TAS1R1: variants seen among roughly 807,000 people sequenced by gnomAD.
The protein encoded by TAS1R1 is taste receptor type 1 member 1.
A neutral mutation model predicts 45.8 loss-of-function variants in TAS1R1; 31 were observed. The observed-to-expected ratio is 0.68, with a 90% CI of 0.51 to 0.91. The LOEUF is 0.91. TAS1R1 is among the 40% of genes least tolerant of loss of function. TAS1R1 has a pLI of 0.00. For missense variants in TAS1R1, 1,051 were observed against 1,063.9 expected (o/e 0.99, Z 0.17); for synonymous variants, 437 against 448.4 (o/e 0.97, Z 0.32).
rs772950660 is a variant in TAS1R1 at position 6,574,600 on chromosome 1, G to A, written c.499-31G>A. 3 of 1,569,428 alleles carry A rather than the reference G, an allele frequency of 1.9e-6. No individual in the cohort carries two copies. Among genetic ancestry groups the A allele is most frequent in the Non-Finnish European group, 2.6e-6 (3 of 1,155,460 alleles). Reference sequence around the variant, plus strand: ...AGGCACTGGGGGGGCCTTCAGTGGAGACTGAAATGGCTGAACGGGACCTCC... The same window carrying A: ...AGGCACTGGGGGGGCCTTCAGTGGAAACTGAAATGGCTGAACGGGACCTCC... On this transcript the variant is annotated intron_variant, in intron 2 of 5. Coordinates refer to ENST00000333172, the MANE Select transcript of TAS1R1 (RefSeq NM_138697.4). The surrounding 1 kb of genome is among the most constrained non-coding windows in gnomAD (Gnocchi z 4.3).
Position 6,575,316 on chromosome 1 carries a change from C to T in TAS1R1, c.1184C>T (p.Ala395Val), listed in dbSNP as rs755195171. The change falls in exon 3 of 6, where the codon GCG (alanine) becomes GTG (valine). Residue 395 changes from alanine to valine, a missense_variant. Coordinates refer to ENST00000333172, the MANE Select transcript of TAS1R1 (RefSeq NM_138697.4). ...SAYNAYRAVY[A>V]VAHGLHQLLG... ...TACAACGCATACCGGGCTGTGTATG[C>T]GGTGGCCCATGGCCTCCACCAGCTC... is the stretch of plus-strand genomic sequence containing the variant. 20 of 1,612,156 alleles carry T rather than the reference C, an allele frequency of 1.2e-5. No individual in the cohort carries two copies. Among genetic ancestry groups the T allele is most frequent in the East Asian group, 6.7e-5 (3 of 44,890 alleles).
chr1:6,564,296 C>T (rs193284078), intron 1 of TAS1R1, among the ~76,000 whole-genome samples: 72 of 152,100 alleles, frequency 4.7e-4, no homozygotes, highest in Admixed American at 5.9e-4. Flanking sequence ...AGAGTCTGGT[C>T]GTGGAGGCTT....
intron 1 of TAS1R1, among the ~76,000 whole-genome samples, chr1:6,559,806 C>T (rs1054233808): frequency 3.3e-5 from 5 of 151,792 alleles, no homozygotes; most frequent in East Asian, 3.9e-4. Context: ...GCCTGGTCAA[C>T]GTGTGAAACC....
chr1:6,576,618 G>A lies in TAS1R1; in HGVS notation c.1464G>A (p.Lys488=), dbSNP rs769672887. ...INETKIQWHG[K]DNQVPKSVCS... ...AGACCAAAATCCAGTGGCACGGAAA[G>A]GACAACCAGGTAATGGGGATGTGGC... Residue 488 remains lysine (K), a synonymous_variant, in exon 4 of 6, where the codon AAG becomes AAA. Coordinates refer to ENST00000333172, the MANE Select transcript of TAS1R1 (RefSeq NM_138697.4). 2 of 1,613,372 alleles carry A rather than the reference G, an allele frequency of 1.2e-6. No individual in the cohort carries two copies. The highest frequency in any genetic ancestry group is 1.7e-5 in the Admixed American group (1 of 60,030).
chr1:6,560,554 G>T (rs1319433449), intron 1 of TAS1R1, among the ~76,000 whole-genome samples: 20 of 152,216 alleles, frequency 1.3e-4, no homozygotes, highest in Non-Finnish European at 4.4e-5. Flanking sequence ...AAAAAGAGGG[G>T]ACAGAGAAAA....
Position 6,578,782 on chromosome 1 carries a change from C to A in TAS1R1, c.1724C>A (p.Thr575Lys). The change falls in exon 6 of 6, where the codon ACG becomes AAG. Residue 575 changes from threonine to lysine, a missense_variant. Coordinates refer to ENST00000333172, the MANE Select transcript of TAS1R1 (RefSeq NM_138697.4). ...HTSWVLLAAN[T>K]LLLLLLLGTA... ...TCTTGGGTGCTGCTGGCAGCTAACA[C>A]GCTGCTGCTGCTGCTGCTGCTTGGG... The A allele has an allele frequency of 1.2e-6, 2 of 1,612,544 alleles. No individual in the cohort carries two copies. The highest frequency in any genetic ancestry group is 1.7e-6 in the Non-Finnish European group (2 of 1,179,562).
At chr1:6,577,111 G>T (rs12040340) in intron 5 of TAS1R1, 41 bp downstream of exon 5, 1 of 1,611,878 alleles carries the variant, frequency 6.2e-7, no homozygotes, top group Admixed American at 1.7e-5. Flanking sequence ...CAGCACTCCC[G>T]GGGGCTGCAC....
In TAS1R1 at chr1:6,579,405, T is replaced by TACG. The variant is rs1026809498; in HGVS notation, c.2351_2353dup (p.Asp784dup). 7 of 1,613,836 alleles carry TACG rather than the reference T, an allele frequency of 4.3e-6. No individual in the cohort carries two copies. The highest frequency in any genetic ancestry group is 5.9e-6 in the Non-Finnish European group (7 of 1,180,050). On this transcript the variant is annotated inframe_insertion, in exon 6 of 6. Coordinates refer to ENST00000333172, the MANE Select transcript of TAS1R1 (RefSeq NM_138697.4). Reference sequence around the variant, plus strand: ...CGCCTTCTTCACCACGGCCAGCGTCTACGACGGCAAGTACCTGCCTGCGGC... The same window carrying TACG: ...CGCCTTCTTCACCACGGCCAGCGTCTACGACGACGGCAAGTACCTGCCTGCGGC...
Position 6,555,866 on chromosome 1 carries a change from C to CTTTTTTTTTTTT in TAS1R1, c.191+314_191+325dup, listed in dbSNP as rs770363613. Among the ~76,000 whole-genome samples the CTTTTTTTTTTTT allele has an allele frequency of 4.0e-3, 384 of 95,296 alleles. 22 individuals carry two copies. Among genetic ancestry groups the CTTTTTTTTTTTT allele is most frequent in the Middle Eastern group, 0.022 (2 of 92 alleles). The allele number at this position is 95,296 out of a possible 152,430, so 62.5% of individuals were successfully genotyped here. ...AAGCAAGGGCAGCTTTTTCCCTCTT[C>CTTTTTTTTTTTT]TTTTTTTTTTTTTTTTTTTTTTTGA... On this transcript the variant is annotated intron_variant, in intron 1 of 5. Coordinates refer to ENST00000333172, the MANE Select transcript of TAS1R1 (RefSeq NM_138697.4).
intron 1 of TAS1R1, 74 bp from the exon 2 acceptor site, chr1:6,570,835 C>CA: frequency 7.1e-7 from 1 of 1,402,342 alleles, no homozygotes; most frequent in Non-Finnish European, 9.7e-7. Flanking sequence ...TCCCAAGCCT[C>CA]AGAGTCTAGG....
At chr1:6,565,673 C>T (rs1639861485) in intron 1 of TAS1R1, among the ~76,000 whole-genome samples, 1 of 152,100 alleles carries the variant, frequency 6.6e-6, no homozygotes, top group Non-Finnish European at 1.5e-5. Context: ...AGTGCAGTGG[C>T]GCCACCTCAG....
In TAS1R1 at chr1:6,571,068, A is replaced by C. The variant is rs768868828; in HGVS notation, c.351A>C (p.Arg117Ser). The change falls in exon 2 of 6, where the codon AGA becomes AGC. Residue 117 changes from arginine (R) to serine (S), a missense_variant. Arg to Ser is a moderately radical substitution (Grantham distance 110). Coordinates refer to ENST00000333172, the MANE Select transcript of TAS1R1 (RefSeq NM_138697.4). ...SDSANVYATL[R>S]VLSLPGQHHI... ...CTGCCAATGTGTATGCCACGCTGAGAGTGCTCTCCCTGCCAGGGCAACACC... is the reference window on the plus strand; with the variant it reads ...CTGCCAATGTGTATGCCACGCTGAGCGTGCTCTCCCTGCCAGGGCAACACC... 6.2e-7 allele frequency: 1 copy of C among 1,614,142 alleles called. No individual in the cohort carries two copies. The highest frequency in any genetic ancestry group is 8.5e-7 in the Non-Finnish European group (1 of 1,180,020).
intron 2 of TAS1R1, among the ~76,000 whole-genome samples, chr1:6,571,970 G>C (rs1159743722): frequency 6.6e-6 from 1 of 152,144 alleles, no homozygotes; most frequent in African/African-American, 2.4e-5. Context: ...TCCTGTCTCT[G>C]TGCTTATTCT....
intron 1 of TAS1R1, among the ~76,000 whole-genome samples, chr1:6,556,992 G>A (rs1639698115): frequency 8.1e-6 from 1 of 123,854 alleles, no homozygotes; most frequent in Non-Finnish European, 1.6e-5. Context: ...CCGGGCGACA[G>A]AGCGAGGCTC....
At chr1:6,560,423 G>C (rs922504191) in intron 1 of TAS1R1, among the ~76,000 whole-genome samples, 1 of 152,236 alleles carries the variant, frequency 6.6e-6, no homozygotes, top group African/African-American at 2.4e-5. Context: ...GGGTATAAGT[G>C]TATTTTAGGG....
At position 6,574,664 on chromosome 1, in the gene TAS1R1, G is replaced by A. The variant is rs570775523; in HGVS notation, c.532G>A (p.Val178Met). Residue 178 changes from valine to methionine, a missense_variant, in exon 3 of 6, where the codon GTG (valine) becomes ATG (methionine). Coordinates refer to ENST00000333172, the MANE Select transcript of TAS1R1 (RefSeq NM_138697.4). This position sits in a 1 kb window ranked among gnomAD's most constrained non-coding sequence, Gnocchi z 4.3. Reference protein sequence around the residue: ...SYAASSETLSVKRQYPSFLRT... With the variant: ...SYAASSETLSMKRQYPSFLRT... ...TGCGGCCAGCAGCGAGACGCTCAGC[G>A]TGAAGCGGCAGTATCCCTCTTTCCT... The A allele has an allele frequency of 9.3e-6, 15 of 1,612,486 alleles. No homozygotes were observed. Among genetic ancestry groups the A allele is most frequent in the East Asian group, 8.9e-5 (4 of 44,830 alleles).
At chr1:6,577,279 A>G (rs1640205795) in intron 5 of TAS1R1, among the ~76,000 whole-genome samples, 1 of 152,258 alleles carries the variant, frequency 6.6e-6, no homozygotes, top group South Asian at 2.1e-4. Context: ...CATGCCTGTA[A>G]TCCCAGCACT....
chr1:6,567,749 G>A (rs373577908), intron 1 of TAS1R1, among the ~76,000 whole-genome samples: 116 of 152,230 alleles, frequency 7.6e-4, no homozygotes, highest in African/African-American at 2.4e-3. Context: ...AAGGGGAGGT[G>A]ATTCTGAGGT....
chr1:6,564,931 G>A (rs919146840), intron 1 of TAS1R1, among the ~76,000 whole-genome samples: 3 of 151,924 alleles, frequency 2.0e-5, no homozygotes, highest in East Asian at 1.9e-4. Context: ...GGAGCGGAGC[G>A]CCGCTTGGGA....
Sources: gnomAD v4.1 joint callset for allele counts (sites outside exome capture counted in the v4.1 genomes callset) on GRCh38, gnomAD v4.1.1 for gene constraint, Gnocchi (gnomAD v3.1) non-coding constraint, MANE v1.5 for transcripts, NCBI Gene and HGNC (gene_info 2026-07-23, HGNC 2026-07-21) for gene names.